Variants in ZNF397 observed in about 807,000 individuals in gnomAD.
ZNF397 encodes zinc finger protein 397.
In ZNF397, 38 loss-of-function variants were observed where a neutral mutation model predicts 50.6. The observed-to-expected ratio is 0.75, with a 90% CI of 0.58 to 0.98. The LOEUF (loss-of-function observed/expected upper bound fraction) is 0.98, where lower values mean the gene tolerates loss of function less well. Ranked by LOEUF, ZNF397 falls within the 50% of genes least tolerant of loss-of-function variation. The pLI, the probability that ZNF397 is intolerant of heterozygous loss-of-function variation, is 0.00. For missense variants in ZNF397, 624 were observed against 624.1 expected (o/e 1.00, Z 0.00); for synonymous variants, 228 against 215.2 (o/e 1.06, Z -0.52).
At chr18:35,245,125 T>G in intron 3 of ZNF397, 137 bp from the exon 4 acceptor site, 1 of 1,141,336 alleles carries the variant, frequency 8.8e-7, no homozygotes, top group Non-Finnish European at 1.2e-6. Context: ...GAGACCCTCT[T>G]TTGGCCAGTT....
At position 35,246,170 on chromosome 18, in the gene ZNF397, A is replaced by G; in HGVS notation, c.1465A>G (p.Thr489Ala). 1.3e-6 allele frequency: 2 copies of G among 1,551,664 alleles called. No homozygotes were observed. Among genetic ancestry groups the G allele is most frequent in the East Asian group, 4.9e-5 (2 of 40,864 alleles). Residue 489 changes from threonine (T) to alanine (A), a missense_variant, in exon 4 of 4, where the codon ACT (threonine) becomes GCT (alanine). Physicochemically the swap from Thr to Ala is moderately conservative, Grantham distance 58. Transcript: ENST00000330501. Reference protein sequence around the residue: ...EPYQCNECGKTFKRSSALVQH... With the variant: ...EPYQCNECGKAFKRSSALVQH... The stretch of plus-strand genomic sequence containing the variant: ...TTATCAGTGTAATGAATGTGGCAAA[A>G]CTTTCAAAAGGAGCTCAGCCCTTGT...
intron 5 of ZNF397, chr18:35,257,653 T>C (rs1004027735): frequency 6.2e-6 from 3 of 486,510 alleles, no homozygotes; most frequent in Non-Finnish European, 1.1e-5. Context: ...TATTTTGTTA[T>C]AGCAGTCCTA....
chr18:35,244,657 G>A (rs946778109), intron 3 of ZNF397, among the ~76,000 whole-genome samples: 1 of 152,056 alleles, frequency 6.6e-6, no homozygotes, highest in African/African-American at 2.4e-5. Context: ...GTGATCCTCA[G>A]TGTCAATGCT....
Position 35,246,242 on chromosome 18 carries a change from G to A in ZNF397, c.1537G>A (p.Glu513Lys). ...TGGGGATGAAGCTTATATATGTAAT[G>A]AATGTGGGAAGGCTTTCAGGCACAG... The part of the protein sequence containing the change: ...HSGDEAYICN[E>K]CGKAFRHRSV... Residue 513 changes from glutamate to lysine, a missense_variant, in exon 4 of 4, where the codon GAA becomes AAA. Glu to Lys is a moderately conservative substitution (Grantham distance 56). Coordinates refer to ENST00000330501, the MANE Select transcript of ZNF397 (RefSeq NM_001135178.3). The A allele has an allele frequency of 6.4e-7, 1 of 1,552,232 alleles. No homozygotes were observed. Among genetic ancestry groups the A allele is most frequent in the Non-Finnish European group, 8.7e-7 (1 of 1,147,118 alleles).
intron 5 of ZNF397, chr18:35,255,770 C>G (rs578232850): frequency 2.7e-4 from 42 of 154,442 alleles, no homozygotes; most frequent in African/African-American, 9.8e-4. Flanking sequence ...AAATTAAACA[C>G]AGATGACATC....
intron 5 of ZNF397, among the ~76,000 whole-genome samples, chr18:35,255,519 T>C (rs963614706): frequency 6.6e-6 from 1 of 152,132 alleles, no homozygotes; most frequent in Non-Finnish European, 1.5e-5. Flanking sequence ...AAACTTGTAA[T>C]CTTTATGCTA....
chr18:35,254,328 A>G, downstream of ZNF397: 1 of 1,613,938 alleles, frequency 6.2e-7, no homozygotes, highest in Non-Finnish European at 8.5e-7. Flanking sequence ...GAGGCTACAC[A>G]TTCAACAATT....
downstream of ZNF397, chr18:35,251,717 T>C (rs1689079255): frequency 1.3e-5 from 2 of 152,248 alleles, no homozygotes; most frequent in Admixed American, 1.3e-4. Context: ...AGAAGGTGCT[T>C]GCTTCCCCTT....
At chr18:35,249,825 G>A (rs1254209404), downstream of ZNF397, 1 of 152,098 alleles carries the variant, frequency 6.6e-6, no homozygotes, top group Non-Finnish European at 1.5e-5. Flanking sequence ...TACTGGTTAT[G>A]TGTGGGTGCT....
chr18:35,242,943 T>C lies in ZNF397; in HGVS notation c.414+59T>C. On this transcript the variant is annotated intron_variant, in intron 2 of 3. Transcript: ENST00000330501. ...ATTTACAGCCTGGAGCATGTAATGG[T>C]ATCATAACAGTAGGATAAAAATTTT... The C allele has an allele frequency of 2.6e-6, 4 of 1,542,732 alleles. No individual in the cohort carries two copies. In the South Asian group the frequency reaches 5.1e-5, roughly 20 times the overall value.
rs1388934491 is a variant in ZNF397 at position 35,249,642 on chromosome 18, G to C, written c.*3332G>C. ...TATTCCAGCCTGGGTGACAGAGTGA[G>C]ACTGTGTCTCAAAAAAAAAAAAAAA... On this transcript the variant is annotated 3_prime_UTR_variant, in exon 4 of 4. Coordinates refer to ENST00000330501, the MANE Select transcript of ZNF397 (RefSeq NM_001135178.3). 14 of 99,146 alleles carry C rather than the reference G, an allele frequency of 1.4e-4. No individual in the cohort carries two copies. Among genetic ancestry groups the C allele is most frequent in the Middle Eastern group, 0.024 (2 of 84 alleles). 6.1% of individuals were successfully genotyped at this position (99,146 alleles called of 1,614,324 possible).
chr18:35,250,184 G>C (rs545348841), downstream of ZNF397, among the ~76,000 whole-genome samples: 3 of 152,336 alleles, frequency 2.0e-5, no homozygotes, highest in African/African-American at 7.2e-5. Context: ...TAGCTTTGAA[G>C]TGGAGATCTT....
intron 3 of ZNF397, chr18:35,243,764 A>C: frequency 4.4e-6 from 1 of 227,372 alleles, no homozygotes. Flanking sequence ...AAGCCAGGTA[A>C]ATAGGTGGGA....
In ZNF397 at chr18:35,245,820, AT is replaced by A; in HGVS notation, c.1116del (p.Asn372LysfsTer69). On this transcript the variant is annotated frameshift_variant, in exon 4 of 4. Coordinates refer to ENST00000330501, the MANE Select transcript of ZNF397 (RefSeq NM_001135178.3). LOFTEE classifies it high-confidence loss of function. ...IHTGEKACKCNECGKAFSQSS... is the reference protein window; with the variant it reads ...IHTGEKACKCXECGKAFSQSS... ...ACTGGTGAGAAAGCTTGTAAATGTAATGAGTGTGGCAAAGCATTCAGTCAAA... is the reference window on the plus strand; with the variant it reads ...ACTGGTGAGAAAGCTTGTAAATGTAAGAGTGTGGCAAAGCATTCAGTCAAA... 6.4e-7 allele frequency: 1 copy of A among 1,552,318 alleles called. No individual in the cohort carries two copies. The highest frequency in any genetic ancestry group is 8.7e-7 in the Non-Finnish European group (1 of 1,147,276).
downstream of ZNF397, chr18:35,251,259 G>C (rs1012776237): frequency 6.6e-6 from 1 of 152,282 alleles, no homozygotes; most frequent in African/African-American, 2.4e-5. Context: ...CATTGGGATT[G>C]GGGGTGGTTT....
In ZNF397 at chr18:35,246,328, T is replaced by C; in HGVS notation, c.*18T>C. Reference sequence around the variant, plus strand: ...TAAAGTAATTTGTGAATACTGTGAATAGTGTAAATACTTCAGTCAGATTTT... The same window carrying C: ...TAAAGTAATTTGTGAATACTGTGAACAGTGTAAATACTTCAGTCAGATTTT... On this transcript the variant is annotated 3_prime_UTR_variant, in exon 4 of 4. Transcript: ENST00000330501. 1 of 1,504,900 alleles carries C rather than the reference T, an allele frequency of 6.6e-7. No individual in the cohort carries two copies. Among genetic ancestry groups the C allele is most frequent in the Non-Finnish European group, 8.9e-7 (1 of 1,128,636 alleles). The allele number at this position is 1,504,900 out of a possible 1,614,324, so 93.2% of individuals were successfully genotyped here. A position where few individuals can be genotyped will look rare whatever the true frequency, so the allele number is the denominator to read the frequency against.
chr18:35,245,947 A>G lies in ZNF397; in HGVS notation c.1242A>G (p.Arg414=). Residue 414 remains arginine, a synonymous_variant, in exon 4 of 4, where the codon AGA becomes AGG. Coordinates refer to ENST00000330501, the MANE Select transcript of ZNF397 (RefSeq NM_001135178.3). ...KTFSQSSKLI[R]HQRIHTGERP... is the part of the protein sequence containing the mutation. Reference sequence around the variant, plus strand: ...TTAGCCAGAGCTCAAAACTCATTAGACATCAGCGAATTCACACAGGAGAGA... The same window carrying G: ...TTAGCCAGAGCTCAAAACTCATTAGGCATCAGCGAATTCACACAGGAGAGA... The G allele has an allele frequency of 6.3e-7, 1 of 1,580,476 alleles. No homozygotes were observed. The highest frequency in any genetic ancestry group is 8.6e-7 in the Non-Finnish European group (1 of 1,162,970).
exon 6 of ZNF397, chr18:35,258,072 T>C: frequency 5.3e-6 from 4 of 760,942 alleles, no homozygotes; most frequent in Non-Finnish European, 4.9e-6. Flanking sequence ...GCATGGTGAC[T>C]CTTACAATCA....
Position 35,248,197 on chromosome 18 carries a change from G to A in ZNF397, c.*1887G>A, listed in dbSNP as rs553638184. On this transcript the variant is annotated 3_prime_UTR_variant, in exon 4 of 4. Coordinates refer to ENST00000330501, the MANE Select transcript of ZNF397 (RefSeq NM_001135178.3). The stretch of plus-strand genomic sequence containing the variant: ...AACATACCACACCAAAAACAAATCT[G>A]TATGGAAATCTAGAATCATGTGCAT... 1 of 152,286 alleles carries A rather than the reference G, an allele frequency of 6.6e-6. No individual in the cohort carries two copies. The highest frequency in any genetic ancestry group is 1.9e-4 in the East Asian group (1 of 5,174). The allele number at this position is 152,286 out of a possible 1,614,324, so 9.4% of individuals were successfully genotyped here. A position where few individuals can be genotyped will look rare whatever the true frequency, so the allele number is the denominator to read the frequency against.
Sources: gnomAD v4.1 joint callset for allele counts (sites outside exome capture counted in the v4.1 genomes callset) on GRCh38, gnomAD v4.1.1 for gene constraint, MANE v1.5 for transcripts, NCBI Gene and HGNC (gene_info 2026-07-23, HGNC 2026-07-21) for gene names.